MSRA: variants seen among roughly 807,000 people sequenced by gnomAD.
MSRA encodes the protein mitochondrial peptide methionine sulfoxide reductase.
In MSRA, 54 loss-of-function variants were observed where a neutral mutation model predicts 31.3. That is an observed-to-expected ratio of 1.73 (90% confidence interval 1.39 to 2.17). The LOEUF (loss-of-function observed/expected upper bound fraction) is 2.17. MSRA is among the 30% of genes most tolerant of loss of function. The probability of loss-of-function intolerance (pLI) is 0.00; values close to 1 mark genes in which losing one functional copy is unlikely to be tolerated. For missense variants in MSRA, 507 were observed against 300.9 expected (o/e 1.69, Z -5.07); for synonymous variants, 169 against 116.5 (o/e 1.45, Z -2.90).
At chr8:10,146,212 GT>G (rs1168340564) in intron 1 of MSRA, among the ~76,000 whole-genome samples, 3 of 152,212 alleles carry the variant, frequency 2.0e-5, no homozygotes, top group East Asian at 3.9e-4. Flanking sequence ...TTTGCTTTGG[GT>G]TTTTTTTCCC....
intron 1 of MSRA, among the ~76,000 whole-genome samples, chr8:10,168,726 G>A (rs1275974689): frequency 6.6e-6 from 1 of 152,248 alleles, no homozygotes; most frequent in Middle Eastern, 3.4e-3. Context: ...CATCCCTTGC[G>A]GGGATTTGAG....
intron 1 of MSRA, among the ~76,000 whole-genome samples, chr8:10,102,721 T>C (rs1390562585): frequency 1.3e-5 from 2 of 152,222 alleles, no homozygotes; most frequent in Non-Finnish European, 2.9e-5. Flanking sequence ...TTAAGCCTTC[T>C]GTGTTAACAA....
At chr8:10,305,930 T>C (rs1333621225) in intron 4 of MSRA, among the ~76,000 whole-genome samples, 2 of 152,250 alleles carry the variant, frequency 1.3e-5, no homozygotes, top group African/African-American at 2.4e-5. Context: ...GTCTTTTCTT[T>C]TAATTTACCA....
intron 1 of MSRA, among the ~76,000 whole-genome samples, chr8:10,187,304 C>T (rs780680929): frequency 9.2e-5 from 14 of 152,078 alleles, no homozygotes; most frequent in Non-Finnish European, 1.8e-4. Flanking sequence ...TTGGATGTGT[C>T]CTGGAGTAAA....
chr8:10,073,581 C>G (rs1563399395), intron 1 of MSRA, among the ~76,000 whole-genome samples: 1 of 152,078 alleles, frequency 6.6e-6, no homozygotes, highest in Admixed American at 6.6e-5. Flanking sequence ...CAAGTTCTTC[C>G]TATCTCTTGA....
At chr8:10,181,394 T>C (rs978620825) in intron 1 of MSRA, among the ~76,000 whole-genome samples, 1 of 150,590 alleles carries the variant, frequency 6.6e-6, no homozygotes, top group Non-Finnish European at 1.5e-5. Context: ...GCGTGCAGTA[T>C]AGCTTGTGCA....
chr8:10,113,085 T>C (rs114929368), intron 1 of MSRA, among the ~76,000 whole-genome samples: 3 of 152,148 alleles, frequency 2.0e-5, no homozygotes, highest in Non-Finnish European at 4.4e-5. Flanking sequence ...GCGTAGGGCT[T>C]GTCAGTCTTG....
chr8:10,123,081 GT>G (rs778252918), intron 1 of MSRA, among the ~76,000 whole-genome samples: 1 of 152,300 alleles, frequency 6.6e-6, no homozygotes, highest in East Asian at 1.9e-4. Flanking sequence ...TAGCAGTTCT[GT>G]TTTTAGCTCT....
At chr8:10,115,316 G>A (rs1238554611) in intron 1 of MSRA, among the ~76,000 whole-genome samples, 1 of 152,210 alleles carries the variant, frequency 6.6e-6, no homozygotes, top group Non-Finnish European at 1.5e-5. Flanking sequence ...AGAGAGACCA[G>A]CCTCACAGCG....
At chr8:10,185,612 G>A (rs920736979) in intron 1 of MSRA, among the ~76,000 whole-genome samples, 9 of 152,196 alleles carry the variant, frequency 5.9e-5, no homozygotes, top group Admixed American at 3.9e-4. Context: ...AAGAACCAAA[G>A]AGAGAGCAAT....
chr8:10,404,954 C>A (rs980391739), intron 5 of MSRA, among the ~76,000 whole-genome samples: 1 of 152,202 alleles, frequency 6.6e-6, no homozygotes, highest in Non-Finnish European at 1.5e-5. Context: ...CTGGACAGAA[C>A]CCACGATGGC....
At chr8:10,142,909 C>G (rs1410006768) in intron 1 of MSRA, among the ~76,000 whole-genome samples, 1 of 152,114 alleles carries the variant, frequency 6.6e-6, no homozygotes, top group Non-Finnish European at 1.5e-5. Context: ...TTTCCAAAAA[C>G]TCTAATTGAA....
chr8:10,254,952 C>T (rs528048949), intron 3 of MSRA, among the ~76,000 whole-genome samples: 2 of 152,338 alleles, frequency 1.3e-5, no homozygotes, highest in South Asian at 2.1e-4. Context: ...CTTTACAGGT[C>T]ATCTGTTCCG....
rs182530978 is a variant in MSRA at position 10,070,004 on chromosome 8, C to T, written c.142+15346C>T. On this transcript the variant is annotated intron_variant, in intron 1 of 5. Transcript: ENST00000317173. ...GTGGTATGTATATGGTAAGTGCTTA[C>T]GGGTACCTCCCTGTTAAATCTTGCC... is the stretch of plus-strand genomic sequence containing the variant. Among the ~76,000 whole-genome samples the T allele has an allele frequency of 1.2e-4, 18 of 152,220 alleles. No individual in the cohort carries two copies. The East Asian group carries it at 2.5e-3, about 21-fold the overall frequency.
intron 1 of MSRA, among the ~76,000 whole-genome samples, chr8:10,136,087 T>C (rs1802249614): frequency 6.6e-6 from 1 of 152,140 alleles, no homozygotes; most frequent in East Asian, 1.9e-4. Flanking sequence ...CTGTATTCTA[T>C]CCATTTTAAA....
chr8:10,354,371 A>G (rs772117595), intron 5 of MSRA, among the ~76,000 whole-genome samples: 12 of 152,350 alleles, frequency 7.9e-5, no homozygotes, highest in South Asian at 6.2e-4. Context: ...GCGAGGACAC[A>G]ACAGCAAGAA....
chr8:10,295,194 C>G (rs1429532248), intron 3 of MSRA, among the ~76,000 whole-genome samples: 1 of 152,090 alleles, frequency 6.6e-6, no homozygotes, highest in African/African-American at 2.4e-5. Context: ...CAGATAAGTT[C>G]CGGGGCATTG....
At chr8:10,373,639 C>A (rs1805598866) in intron 5 of MSRA, among the ~76,000 whole-genome samples, 1 of 152,238 alleles carries the variant, frequency 6.6e-6, no homozygotes, top group Non-Finnish European at 1.5e-5. Flanking sequence ...GGTTGGCTTG[C>A]ATGGGGGCCA....
intron 3 of MSRA, among the ~76,000 whole-genome samples, chr8:10,300,286 C>T (rs149282129): frequency 1.3e-5 from 2 of 151,812 alleles, no homozygotes; most frequent in East Asian, 1.9e-4. Flanking sequence ...GATGGAGTCT[C>T]ACCCTGTTGC....
Sources: allele counts gnomAD v4.1 joint callset (sites outside exome capture counted in the v4.1 genomes callset), GRCh38; gene constraint gnomAD v4.1.1; transcripts MANE v1.5; gene names NCBI Gene and HGNC (gene_info 2026-07-23, HGNC 2026-07-21).